C3orf20: variants seen among roughly 807,000 people sequenced by gnomAD.
C3orf20 encodes the protein uncharacterized protein C3orf20.
Under a neutral mutation model 88.3 loss-of-function variants are expected in C3orf20, and 76 were observed. That is an observed-to-expected ratio of 0.86 (90% confidence interval 0.72 to 1.04). The LOEUF (loss-of-function observed/expected upper bound fraction) is 1.04. C3orf20 is among the 50% of genes least tolerant of loss of function. The probability of loss-of-function intolerance (pLI) is 0.00; values close to 1 mark genes in which losing one functional copy is unlikely to be tolerated. For synonymous variants in C3orf20, 436 were observed against 437.4 expected (o/e 1.00, Z 0.04); for missense variants, 1,056 against 1,123.3 (o/e 0.94, Z 0.86).
chr3:14,721,834 C>T lies in C3orf20; in HGVS notation c.1566+50C>T, dbSNP rs199654912. 5.9e-5 allele frequency: 94 copies of T among 1,605,560 alleles called. No individual in the cohort carries two copies. The East Asian group carries it at 1.6e-3, about 28-fold the overall frequency. On this transcript the variant is annotated intron_variant, in intron 10 of 16. Transcript: ENST00000253697. ...CAGCCCTGACCCCTGGGCATCTCAACGTGGGTTGCTGTTTCATATCTCAGG... is the reference window on the plus strand; with the variant it reads ...CAGCCCTGACCCCTGGGCATCTCAATGTGGGTTGCTGTTTCATATCTCAGG...
chr3:14,682,691 C>T lies in C3orf20; in HGVS notation c.-23C>T, dbSNP rs2124883702. 1 of 1,585,336 alleles carries T rather than the reference C, an allele frequency of 6.3e-7. No individual in the cohort carries two copies. Among genetic ancestry groups the T allele is most frequent in the South Asian group, 1.2e-5 (1 of 85,024 alleles). ...TCTCAGTCACCTCTCAGAGAGCTCT[C>T]TTTATAGCTGAAGGTCCCTCTCATG... On this transcript the variant is annotated 5_prime_UTR_variant, in exon 3 of 17. Transcript: ENST00000253697.
At chr3:14,754,118 A>T (rs896450220) in intron 12 of C3orf20, among the ~76,000 whole-genome samples, 3 of 152,134 alleles carry the variant, frequency 2.0e-5, no homozygotes, top group Admixed American at 2.0e-4. Context: ...TCAAAGCCTT[A>T]TTCTCCCATA....
chr3:14,757,187 A>G (rs1418508763), intron 12 of C3orf20, among the ~76,000 whole-genome samples, 184 bp from the exon 13 acceptor site: 1 of 152,202 alleles, frequency 6.6e-6, no homozygotes, highest in Non-Finnish European at 1.5e-5. Context: ...CTCATTTTGC[A>G]CTGTGGAAAG....
chr3:14,677,820 G>A (rs544392440), intron 1 of C3orf20, among the ~76,000 whole-genome samples: 24 of 152,116 alleles, frequency 1.6e-4, no homozygotes, highest in African/African-American at 4.8e-4. Context: ...TTTTTTGATC[G>A]TAGGCAGAAA....
chr3:14,731,714 A>G (rs556268793), intron 12 of C3orf20, among the ~76,000 whole-genome samples: 1 of 152,340 alleles, frequency 6.6e-6, no homozygotes, highest in South Asian at 2.1e-4. Flanking sequence ...ACAGGTATTC[A>G]GCATAAATCA....
intron 12 of C3orf20, 96 bp from the exon 13 acceptor site, chr3:14,757,275 A>G (rs2125030699): frequency 9.2e-7 from 1 of 1,091,404 alleles, no homozygotes; most frequent in South Asian, 1.6e-5. Context: ...ATCTGCCTGC[A>G]GCAGGGCCTT....
chr3:14,679,506 A>T (rs1334272731), intron 1 of C3orf20, among the ~76,000 whole-genome samples: 3 of 152,206 alleles, frequency 2.0e-5, no homozygotes, highest in Admixed American at 6.5e-5. Flanking sequence ...TGTCATCAGG[A>T]GCCCGGGCTC....
At chr3:14,705,519 T>G (rs1202026648) in intron 7 of C3orf20, among the ~76,000 whole-genome samples, 1 of 152,260 alleles carries the variant, frequency 6.6e-6, no homozygotes, top group Non-Finnish European at 1.5e-5. Context: ...TGTAATTGCT[T>G]CTTTTAAAGT....
intron 6 of C3orf20, 78 bp downstream of exon 6, chr3:14,703,340 T>C: frequency 1.3e-6 from 2 of 1,594,818 alleles, no homozygotes; most frequent in Non-Finnish European, 1.7e-6. Flanking sequence ...TCCCTGTGTA[T>C]ATGTGAGTGG....
At chr3:14,760,629 A>G (rs1358643343) in intron 14 of C3orf20, among the ~76,000 whole-genome samples, 1 of 42,606 alleles carries the variant, frequency 2.3e-5, no homozygotes, top group Non-Finnish European at 5.0e-5. Context: ...TTTTTTTTTG[A>G]GACAGAGTCT....
chr3:14,743,552 G>A (rs1331717245), intron 12 of C3orf20, among the ~76,000 whole-genome samples: 8 of 151,974 alleles, frequency 5.3e-5, no homozygotes, highest in Non-Finnish European at 8.8e-5. Flanking sequence ...AGCTCCACTA[G>A]GCAGTGCCCC....
At chr3:14,753,403 G>A (rs1479544262) in intron 12 of C3orf20, among the ~76,000 whole-genome samples, 1 of 152,056 alleles carries the variant, frequency 6.6e-6, no homozygotes, top group Non-Finnish European at 1.5e-5. Flanking sequence ...TGAGTTGATG[G>A]GTGCAGCAAA....
At chr3:14,691,612 A>G (rs570904214) in intron 5 of C3orf20, among the ~76,000 whole-genome samples, 4 of 152,322 alleles carry the variant, frequency 2.6e-5, no homozygotes, top group East Asian at 3.9e-4. Flanking sequence ...CCACATTCAT[A>G]TAACTTTTTT....
At chr3:14,762,605 A>G (rs1270235333) in intron 15 of C3orf20, among the ~76,000 whole-genome samples, 1 of 152,208 alleles carries the variant, frequency 6.6e-6, no homozygotes, top group African/African-American at 2.4e-5. Context: ...AAAATGAGGA[A>G]ATAATGCCCA....
intron 7 of C3orf20, among the ~76,000 whole-genome samples, chr3:14,706,110 C>T (rs563059676): frequency 3.3e-5 from 5 of 152,286 alleles, no homozygotes; most frequent in Non-Finnish European, 1.5e-5. Context: ...AGGCTAAGCC[C>T]CCCAACCAGG....
intron 3 of C3orf20, 126 bp from the exon 4 acceptor site, chr3:14,684,116 C>A: frequency 7.7e-7 from 1 of 1,298,430 alleles, no homozygotes; most frequent in Non-Finnish European, 1.1e-6. Flanking sequence ...GCCCCCTCAC[C>A]CCTGCATACC....
intron 1 of C3orf20, among the ~76,000 whole-genome samples, chr3:14,679,038 T>C (rs1273415180): frequency 6.6e-6 from 1 of 152,224 alleles, no homozygotes; most frequent in Non-Finnish European, 1.5e-5. Context: ...CCCACCATGC[T>C]TCCAATGTCA....
intron 5 of C3orf20, among the ~76,000 whole-genome samples, chr3:14,693,320 A>G (rs774454306): frequency 3.9e-5 from 6 of 152,212 alleles, no homozygotes; most frequent in Non-Finnish European, 5.9e-5. Flanking sequence ...GGTAGTACAG[A>G]CATTTTAACA....
rs767205892 is a variant in C3orf20 at position 14,761,493 on chromosome 3, C to T, written c.2373C>T (p.Leu791=). ...AACAGATGTTTGCCGGGGGGAAGCT[C>T]ATTTTTGGGGGCCGTGTTTTGAATG... is the stretch of plus-strand genomic sequence containing the variant. ...GMILMFAGGK[L]IFGGRVLNGY... The change falls in exon 15 of 17, where the codon CTC becomes CTT. Residue 791 remains leucine, a synonymous_variant. Transcript: ENST00000253697. The T allele has an allele frequency of 2.8e-5, 45 of 1,614,012 alleles. No individual in the cohort carries two copies. The highest frequency in any genetic ancestry group is 3.8e-5 in the Non-Finnish European group (45 of 1,180,000).
Sources: allele counts gnomAD v4.1 joint callset (sites outside exome capture counted in the v4.1 genomes callset), GRCh38; gene constraint gnomAD v4.1.1; transcripts MANE v1.5; gene names NCBI Gene and HGNC (gene_info 2026-07-23, HGNC 2026-07-21).